PAX5: variants seen among roughly 807,000 people sequenced by gnomAD.
PAX5 encodes the protein paired box 5.
PAX5 carries 9 observed loss-of-function variants against 43.7 expected under a neutral mutation model. The observed-to-expected ratio is 0.21, with a 90% CI of 0.12 to 0.36. The LOEUF is 0.36. Ranked by LOEUF, PAX5 falls within the 10% of genes least tolerant of loss-of-function variation. The probability of loss-of-function intolerance (pLI) is 1.00; values close to 1 mark genes in which losing one functional copy is unlikely to be tolerated. For missense variants in PAX5, 383 were observed against 532.7 expected (o/e 0.72, Z 2.77); for synonymous variants, 228 against 214.3 (o/e 1.06, Z -0.56).
At chr9:36,875,154 C>T (rs1390264902) in intron 8 of PAX5, among the ~76,000 whole-genome samples, 2 of 152,194 alleles carry the variant, frequency 1.3e-5, no homozygotes, top group Non-Finnish European at 2.9e-5. Flanking sequence ...AACAGCGCTA[C>T]CACTCCCAGC....
At chr9:37,003,675 CTT>C (rs1253472039) in intron 4 of PAX5, among the ~76,000 whole-genome samples, 2 of 151,934 alleles carry the variant, frequency 1.3e-5, no homozygotes, top group Non-Finnish European at 2.9e-5. Flanking sequence ...TACCAAAAAA[CTT>C]TAAAAAAAAA....
chr9:36,863,131 A>G (rs1824388617), intron 8 of PAX5, among the ~76,000 whole-genome samples: 1 of 152,154 alleles, frequency 6.6e-6, no homozygotes, highest in Non-Finnish European at 1.5e-5. Context: ...GACAAACCCT[A>G]TTGCATGATC....
chr9:36,843,022 A>G lies in PAX5; in HGVS notation c.1100-2386T>C, dbSNP rs534189321. Among the ~76,000 whole-genome samples the G allele has an allele frequency of 3.3e-5, 5 of 151,604 alleles. No homozygotes were observed. In the East Asian group the frequency reaches 9.7e-4, roughly 29 times the overall value. On this transcript the variant is annotated intron_variant, in intron 9 of 9. Transcript: ENST00000358127. ...GATGTGAGCATGTGTCTGTGTGTGT[A>G]TGTGCGTGTATGTGTGCATGTGTGT... is the stretch of plus-strand genomic sequence containing the variant.
At chr9:36,906,105 G>C (rs925897498) in intron 7 of PAX5, among the ~76,000 whole-genome samples, 7 of 152,142 alleles carry the variant, frequency 4.6e-5, no homozygotes, top group African/African-American at 1.4e-4. Context: ...GGTGCTCAAG[G>C]AGGCTTTTAT....
At chr9:36,949,593 C>T (rs540410970) in intron 6 of PAX5, among the ~76,000 whole-genome samples, 2 of 152,202 alleles carry the variant, frequency 1.3e-5, no homozygotes, top group East Asian at 1.9e-4. Context: ...CAAGAGATTA[C>T]GTGAGCTCAA....
rs1826560498 is a variant in PAX5, at chr9:36,882,785, C to A, written c.911-680G>T. Reference sequence around the variant, plus strand: ...ACATGGAGGTTAAGGCCTCAGCCCTCAAGGCGTGCACACTCCCATGGGCGA... The same window carrying A: ...ACATGGAGGTTAAGGCCTCAGCCCTAAAGGCGTGCACACTCCCATGGGCGA... On this transcript the variant is annotated intron_variant, in intron 7 of 9. Transcript: ENST00000358127. This position sits in a 1 kb window ranked among gnomAD's most constrained non-coding sequence, Gnocchi z 4.4. Among the ~76,000 whole-genome samples the A allele has an allele frequency of 1.3e-5, 2 of 152,250 alleles. No individual in the cohort carries two copies. The highest frequency in any genetic ancestry group is 1.3e-4 in the Admixed American group (2 of 15,288).
chr9:36,906,766 T>C (rs1265031411), intron 7 of PAX5, among the ~76,000 whole-genome samples: 1 of 152,182 alleles, frequency 6.6e-6, no homozygotes, highest in Non-Finnish European at 1.5e-5. Flanking sequence ...TTTCCCGAGC[T>C]CCAGATTTTC....
chr9:36,858,161 A>G (rs148376071), intron 8 of PAX5, among the ~76,000 whole-genome samples: 249 of 152,382 alleles, frequency 1.6e-3, no homozygotes, highest in East Asian at 0.014. Flanking sequence ...GTCCTTTGTG[A>G]ATTGAAAAGT....
intron 5 of PAX5, among the ~76,000 whole-genome samples, chr9:36,967,671 G>A (rs908707080): frequency 6.6e-6 from 1 of 152,218 alleles, no homozygotes; most frequent in Non-Finnish European, 1.5e-5. Context: ...TCTCTCCAAA[G>A]GATATATGAG....
At chr9:36,978,306 T>C (rs929624318) in intron 5 of PAX5, among the ~76,000 whole-genome samples, 4 of 152,224 alleles carry the variant, frequency 2.6e-5, no homozygotes, top group Non-Finnish European at 5.9e-5. Flanking sequence ...ACCGCCATAG[T>C]GAAAATATTC....
At chr9:36,982,435 G>A (rs1836018186) in intron 5 of PAX5, among the ~76,000 whole-genome samples, 1 of 152,130 alleles carries the variant, frequency 6.6e-6, no homozygotes, top group South Asian at 2.1e-4. Flanking sequence ...AGCCCTCAGG[G>A]AGCCCATACT....
chr9:36,967,026 G>A (rs372653250), intron 5 of PAX5, among the ~76,000 whole-genome samples: 3 of 152,222 alleles, frequency 2.0e-5, no homozygotes, highest in African/African-American at 7.2e-5. Context: ...CAGATGAGAA[G>A]ACTGAGACCT....
At chr9:36,905,860 C>T (rs1828777795) in intron 7 of PAX5, among the ~76,000 whole-genome samples, 1 of 152,168 alleles carries the variant, frequency 6.6e-6, no homozygotes, top group Admixed American at 6.5e-5. Flanking sequence ...CCCATCTGTT[C>T]AATGATGGAA....
chr9:36,922,782 C>G (rs1196020485), intron 7 of PAX5: 1 of 153,266 alleles, frequency 6.5e-6, no homozygotes, highest in African/African-American at 2.4e-5. Flanking sequence ...CAAGTCTGCA[C>G]AGCTAGTAAA....
intron 7 of PAX5, among the ~76,000 whole-genome samples, chr9:36,915,434 A>T (rs1829657145): frequency 6.6e-6 from 1 of 152,228 alleles, no homozygotes; most frequent in African/African-American, 2.4e-5. Flanking sequence ...TACAGTTTTA[A>T]AGTTATAAGT....
intron 8 of PAX5, among the ~76,000 whole-genome samples, chr9:36,879,973 A>G (rs936942406): frequency 6.6e-6 from 1 of 152,272 alleles, no homozygotes; most frequent in African/African-American, 2.4e-5. Flanking sequence ...CCTCCCTGGC[A>G]TTGGCAAGGC....
chr9:36,930,205 G>A (rs917421233), intron 6 of PAX5, among the ~76,000 whole-genome samples: 5 of 148,880 alleles, frequency 3.4e-5, no homozygotes, highest in South Asian at 4.3e-4. Context: ...ACAGGGATAG[G>A]GATGGATGTC....
In PAX5 at chr9:36,840,626, G is replaced by A. The variant is rs3780135; in HGVS notation, c.1110C>T (p.Tyr370=). 0.91 allele frequency: 1,429,662 copies of A among 1,570,902 alleles called. 662,872 individuals are homozygous for A. Among genetic ancestry groups the A allele is most frequent in the Non-Finnish European group, 0.95 (1,100,886 of 1,158,440 alleles). The change falls in exon 10 of 10, where the codon TAC becomes TAT. Residue 370 remains tyrosine (Y), a synonymous_variant. Transcript: ENST00000358127. ...CTCCTCGGGCGGCAGCGCTATAATA[G>A]TAGGGGGAGCCTGGAAGAGACGGGA... ...FPNPGLLGSP[Y]YYSAAARGAA... is the part of the protein sequence containing the mutation.
At chr9:36,897,389 G>A (rs1827962920) in intron 7 of PAX5, among the ~76,000 whole-genome samples, 2 of 152,118 alleles carry the variant, frequency 1.3e-5, no homozygotes, top group Non-Finnish European at 2.9e-5. Context: ...GGGGACCTCA[G>A]GGACCTCTGG....
Sources: allele counts gnomAD v4.1 joint callset (sites outside exome capture counted in the v4.1 genomes callset), GRCh38; gene constraint gnomAD v4.1.1; non-coding constraint Gnocchi (gnomAD v3.1); transcripts MANE v1.5; gene names NCBI Gene and HGNC (gene_info 2026-07-23, HGNC 2026-07-21).